Variants in ITSN2 observed in about 807,000 individuals in gnomAD.
ITSN2 encodes the protein intersectin 2.
Under a neutral mutation model 243.7 loss-of-function variants are expected in ITSN2, and 156 were observed. That is an observed-to-expected ratio of 0.64 (90% CI 0.56 to 0.73). ITSN2 has a LOEUF of 0.73. Ranked by LOEUF, ITSN2 falls within the 30% of genes least tolerant of loss-of-function variation. The probability of loss-of-function intolerance (pLI) is 0.00; values close to 1 mark genes in which losing one functional copy is unlikely to be tolerated. For synonymous variants in ITSN2, 703 were observed against 699.9 expected, an observed-to-expected ratio of 1.00 and a Z score of -0.07; for missense variants, 1,801 against 1,996.1, an observed-to-expected ratio of 0.90 and a Z score of 1.86.
rs146645715 is a variant in ITSN2, at chr2:24,235,295, C to G, written c.3577+10834G>C. 3.7e-4 allele frequency among the ~76,000 whole-genome samples: 56 copies of G among 151,822 alleles called. No individual in the cohort carries two copies. In the East Asian group the frequency reaches 9.5e-3, roughly 26 times the overall value. ...TCTGGGAAGGGCAAAACTATGGAGACAGTAAAAAGATCAGTGGTTGCCAGG... is the reference window on the plus strand; with the variant it reads ...TCTGGGAAGGGCAAAACTATGGAGAGAGTAAAAAGATCAGTGGTTGCCAGG... On this transcript the variant is annotated intron_variant, in intron 29 of 39. Coordinates refer to ENST00000355123, the MANE Select transcript of ITSN2 (RefSeq NM_006277.3).
rs1668710540 is a variant in ITSN2, at chr2:24,204,933, G to A, written c.4762+281C>T. The A allele has an allele frequency of 2.7e-6, 1 of 374,588 alleles. No individual in the cohort carries two copies. The highest frequency in any genetic ancestry group is 3.5e-5 in the Admixed American group (1 of 28,276). The allele number at this position is 374,588 out of a possible 1,614,324, so 23.2% of individuals were successfully genotyped here. ...AGGCCGAGGCGGGCAGATCACTTGA[G>A]GTCAGGAGTTCGAGACCAGCCTGGC... On this transcript the variant is annotated intron_variant, in intron 38 of 39. Transcript: ENST00000355123. The surrounding 1 kb of genome is among the most constrained non-coding windows in gnomAD (Gnocchi z 5.1).
chr2:24,214,452 G>A (rs1669778846), intron 32 of ITSN2: 2 of 152,106 alleles, frequency 1.3e-5, no homozygotes, highest in Admixed American at 6.5e-5. Flanking sequence ...TCTCCTTGGT[G>A]TATAGTATCG....
At position 24,212,874 on chromosome 2, in the gene ITSN2, T is replaced by C. The variant is rs369759822; in HGVS notation, c.3991-126A>G. The stretch of plus-strand genomic sequence containing the variant: ...TATGTTTCTCCCTGTCTTACTGTTT[T>C]AGAATTTTTTTTAGGTGAGTGTTCT... On this transcript the variant is annotated intron_variant, in intron 32 of 39. Transcript: ENST00000355123. The C allele has an allele frequency of 9.9e-5, 78 of 785,636 alleles. No individual in the cohort carries two copies. In the African/African-American group the frequency reaches 1.1e-3, roughly 11 times the overall value. The allele number at this position is 785,636 out of a possible 1,614,324, so 48.7% of individuals were successfully genotyped here. A position where few individuals can be genotyped will look rare whatever the true frequency, so the allele number is the denominator to read the frequency against.
chr2:24,313,694 CAG>C (rs894557624), intron 3 of ITSN2, among the ~76,000 whole-genome samples, 171 bp from the exon 4 acceptor site: 111 of 152,142 alleles, frequency 7.3e-4, no homozygotes, highest in African/African-American at 2.5e-3. Flanking sequence ...TTTAATAAGA[CAG>C]ATATTTTAAA....
At chr2:24,332,641 T>C (rs754157219) in intron 1 of ITSN2, among the ~76,000 whole-genome samples, 1 of 152,166 alleles carries the variant, frequency 6.6e-6, no homozygotes, top group South Asian at 2.1e-4. Flanking sequence ...TTGGAACCAA[T>C]AAGCTTTTAA....
chr2:24,224,007 G>A (rs1670776365), intron 29 of ITSN2, among the ~76,000 whole-genome samples: 1 of 151,810 alleles, frequency 6.6e-6, no homozygotes, highest in African/African-American at 2.4e-5. Context: ...GGGTAACTGA[G>A]TGTTAAAAAA....
At chr2:24,312,449 A>G in intron 4 of ITSN2, 74 bp from the exon 5 acceptor site, 1 of 1,149,906 alleles carries the variant, frequency 8.7e-7, no homozygotes, top group East Asian at 2.5e-5. Context: ...TTGGGGATTG[A>G]CAAAGTAAAA....
intron 29 of ITSN2, among the ~76,000 whole-genome samples, chr2:24,234,597 A>C (rs1276575820): frequency 6.6e-6 from 1 of 152,248 alleles, no homozygotes; most frequent in Non-Finnish European, 1.5e-5. Context: ...CAAAAGACGT[A>C]TCTGATAAAG....
intron 1 of ITSN2, among the ~76,000 whole-genome samples, chr2:24,329,093 T>C (rs2151845025): frequency 6.6e-6 from 1 of 152,326 alleles, no homozygotes; most frequent in East Asian, 1.9e-4. Context: ...GTGTTAAACA[T>C]AATCCAGTAA....
intron 29 of ITSN2, among the ~76,000 whole-genome samples, chr2:24,222,668 CTTTTTT>C (rs56149622): frequency 6.5e-5 from 5 of 77,266 alleles, no homozygotes; most frequent in African/African-American, 2.7e-4. Flanking sequence ...TTTTTCTTTT[CTTTTTT>C]TTTTTTTTTT....
At chr2:24,303,964 C>T (rs1682146341) in intron 8 of ITSN2, 102 bp from the exon 9 acceptor site, 3 of 838,400 alleles carry the variant, frequency 3.6e-6, no homozygotes, top group Non-Finnish European at 6.1e-6. Context: ...CCAGGGTATC[C>T]TGGGAACTTT....
chr2:24,223,356 AAAAT>A (rs1448891859), intron 29 of ITSN2, among the ~76,000 whole-genome samples: 6 of 152,174 alleles, frequency 3.9e-5, no homozygotes, highest in Non-Finnish European at 7.3e-5. Context: ...AGAGAACAAA[AAAAT>A]AAATGAATAA....
intron 1 of ITSN2, among the ~76,000 whole-genome samples, chr2:24,358,868 T>C (rs1474251337): frequency 4.6e-5 from 7 of 152,208 alleles, no homozygotes; most frequent in Non-Finnish European, 8.8e-5. Flanking sequence ...AGTAATTCTG[T>C]ACAGGTCAAG....
At chr2:24,302,187 T>TTATG in intron 9 of ITSN2, 85 bp from the exon 10 acceptor site, 1 of 540,324 alleles carries the variant, frequency 1.9e-6, no homozygotes, top group Non-Finnish European at 2.8e-6. Flanking sequence ...TATTTTACTT[T>TTATG]TATTTATTTA....
rs377425509 is a variant in ITSN2, at chr2:24,262,253, T to C, written c.2356-511A>G. On this transcript the variant is annotated intron_variant, in intron 20 of 39. Transcript: ENST00000355123. Reference sequence around the variant, plus strand: ...TCTTTATTTAAATTTATTTAATGTTTATAATATTATGATTATGTTTAAATA... The same window carrying C: ...TCTTTATTTAAATTTATTTAATGTTCATAATATTATGATTATGTTTAAATA... 3.3e-5 allele frequency among the ~76,000 whole-genome samples: 5 copies of C among 152,328 alleles called. No individual in the cohort carries two copies. In the South Asian group the frequency reaches 8.3e-4, roughly 25 times the overall value.
intron 8 of ITSN2, among the ~76,000 whole-genome samples, chr2:24,304,557 C>T (rs916995874): frequency 1.3e-5 from 2 of 152,012 alleles, no homozygotes; most frequent in Non-Finnish European, 2.9e-5. Context: ...CACAGCCTCG[C>T]CCTATTAATT....
intron 1 of ITSN2, among the ~76,000 whole-genome samples, chr2:24,351,846 C>T (rs1558670877): frequency 1.3e-5 from 2 of 152,166 alleles, no homozygotes; most frequent in East Asian, 1.9e-4. Flanking sequence ...AATAATGACC[C>T]CAAAGTGCAA....
chr2:24,248,492 C>T (rs1673690740), intron 27 of ITSN2, 137 bp downstream of exon 27: 1 of 589,638 alleles, frequency 1.7e-6, no homozygotes, highest in African/African-American at 1.9e-5. Context: ...AAATATAATG[C>T]AGTAAAATAT....
chr2:24,281,474 C>T (rs1328081340), intron 17 of ITSN2, among the ~76,000 whole-genome samples: 1 of 152,190 alleles, frequency 6.6e-6, no homozygotes, highest in Non-Finnish European at 1.5e-5. Flanking sequence ...TTGTCAAGAT[C>T]TGTAACTCTT....
Sources: allele counts gnomAD v4.1 joint callset (sites outside exome capture counted in the v4.1 genomes callset), GRCh38; gene constraint gnomAD v4.1.1; non-coding constraint Gnocchi (gnomAD v3.1); transcripts MANE v1.5; gene names NCBI Gene and HGNC (gene_info 2026-07-23, HGNC 2026-07-21).